The following ATF7 variants were observed in gnomAD, a reference collection of about 807,000 sequenced individuals.
ATF7 encodes the protein cyclic AMP-dependent transcription factor ATF-7.
Under a neutral mutation model 50.4 loss-of-function variants are expected in ATF7, and 10 were observed. That is an observed-to-expected ratio of 0.20 (90% CI 0.12 to 0.34). The LOEUF (loss-of-function observed/expected upper bound fraction) is 0.34. Among genes scored for constraint, ATF7 ranks in the 10% least tolerant of loss-of-function variants. The pLI is 1.00. For missense variants in ATF7, 465 were observed against 613.9 expected (o/e 0.76, Z 2.56); for synonymous variants, 201 against 226.4 (o/e 0.89, Z 1.01).
intron 5 of ATF7, among the ~76,000 whole-genome samples, chr12:53,535,346 G>A (rs866620820): frequency 4.2e-3 from 548 of 129,636 alleles, no homozygotes; most frequent in East Asian, 0.013. Context: ...AAAAAAAAAA[G>A]AAAAGGGAGG....
chr12:53,531,493 C>G (rs1655356068), intron 9 of ATF7, among the ~76,000 whole-genome samples: 1 of 150,850 alleles, frequency 6.6e-6, no homozygotes, highest in South Asian at 2.1e-4. Flanking sequence ...GCATGAAAGT[C>G]TAACACAAGG....
intron 1 of ATF7, among the ~76,000 whole-genome samples, chr12:53,623,134 A>G (rs1397479516): frequency 6.6e-6 from 1 of 152,178 alleles, no homozygotes; most frequent in Non-Finnish European, 1.5e-5. Context: ...GCACAATGTA[A>G]AAAATGTTCT....
rs529814690 is a variant in ATF7 at position 53,545,329 on chromosome 12, T to A, written c.146-1881A>T. On this transcript the variant is annotated intron_variant, in intron 3 of 11. Coordinates refer to ENST00000420353, the MANE Select transcript of ATF7 (RefSeq NM_006856.3). Reference sequence around the variant, plus strand: ...AAAAATCAGTAAGTGTTTGTTTTGTTTTGTTTTGATACAGAGTTTCCCTCT... The same window carrying A: ...AAAAATCAGTAAGTGTTTGTTTTGTATTGTTTTGATACAGAGTTTCCCTCT... 8.2e-4 allele frequency among the ~76,000 whole-genome samples: 125 copies of A among 152,236 alleles called. 1 individual carries two copies. Among genetic ancestry groups the A allele is most frequent in the Middle Eastern group, 6.8e-3 (2 of 294 alleles).
At chr12:53,620,418 T>C (rs1338916301) in intron 1 of ATF7, among the ~76,000 whole-genome samples, 2 of 150,214 alleles carry the variant, frequency 1.3e-5, no homozygotes, top group African/African-American at 4.9e-5. Context: ...CTACTAAAAA[T>C]ACAAAAAATT....
chr12:53,523,227 C>T, intron 11 of ATF7, 49 bp downstream of exon 11: 1 of 1,278,982 alleles, frequency 7.8e-7, no homozygotes, highest in Non-Finnish European at 1.1e-6. Flanking sequence ...ACACTCAGTA[C>T]ATGCAGTTTA....
Position 53,524,820 on chromosome 12 carries a change from CACCTG to C in ATF7, c.928-64_928-60del, listed in dbSNP as rs1409101434. 1 of 1,407,676 alleles carries C rather than the reference CACCTG, an allele frequency of 7.1e-7. No homozygotes were observed. The highest frequency in any genetic ancestry group is 1.4e-5 in the African/African-American group (1 of 69,404). 87.2% of individuals were successfully genotyped at this position (1,407,676 alleles called of 1,614,324 possible). A position where few individuals can be genotyped will look rare whatever the true frequency, so the allele number is the denominator to read the frequency against. ...GGGAACATTAATCCTTTCCAAATCACACCTGATGTTAGGTAGAGTAGTAAGATCTG... is the reference window on the plus strand; with the variant it reads ...GGGAACATTAATCCTTTCCAAATCACATGTTAGGTAGAGTAGTAAGATCTG... On this transcript the variant is annotated intron_variant, in intron 9 of 11. Coordinates refer to ENST00000420353, the MANE Select transcript of ATF7 (RefSeq NM_006856.3). The surrounding 1 kb of genome is among the most constrained non-coding windows in gnomAD (Gnocchi z 4.6).
chr12:53,573,401 C>T (rs1416599075), intron 2 of ATF7, among the ~76,000 whole-genome samples: 2 of 152,150 alleles, frequency 1.3e-5, no homozygotes, highest in African/African-American at 2.4e-5. Flanking sequence ...CTCCTATATA[C>T]TTTAAATCAT....
At chr12:53,536,036 G>A (rs1441428356) in intron 5 of ATF7, among the ~76,000 whole-genome samples, 2 of 151,538 alleles carry the variant, frequency 1.3e-5, no homozygotes, top group Non-Finnish European at 1.5e-5. Context: ...AAAAAAAAAA[G>A]ATGACTTGTT....
intron 1 of ATF7, among the ~76,000 whole-genome samples, chr12:53,610,394 A>T (rs570088444): frequency 6.6e-6 from 1 of 151,718 alleles, no homozygotes; most frequent in South Asian, 2.1e-4. Context: ...GTGAAACCCT[A>T]TCTCTACTAA....
chr12:53,592,360 T>C (rs901434024), intron 2 of ATF7, among the ~76,000 whole-genome samples: 5 of 152,270 alleles, frequency 3.3e-5, no homozygotes, highest in African/African-American at 1.2e-4. Flanking sequence ...ATGCTTTCCT[T>C]CTTGAAATCC....
chr12:53,535,509 A>AGCATGAGGG (rs1939166730), intron 5 of ATF7, among the ~76,000 whole-genome samples: 1 of 152,048 alleles, frequency 6.6e-6, no homozygotes, highest in Non-Finnish European at 1.5e-5. Flanking sequence ...AGAAGGAGGA[A>AGCATGAGGG]GCATGAGGGG....
intron 3 of ATF7, chr12:53,544,007 G>C (rs1045628157): frequency 6.5e-6 from 1 of 152,782 alleles, no homozygotes; most frequent in Non-Finnish European, 1.5e-5. Context: ...CCTTCTGAAG[G>C]ATTCCAGGCA....
At chr12:53,577,729 A>G (rs1942171747) in intron 2 of ATF7, among the ~76,000 whole-genome samples, 1 of 105,758 alleles carries the variant, frequency 9.5e-6, no homozygotes, top group African/African-American at 4.6e-5. Flanking sequence ...AAAAAAAAAA[A>G]AAGAAAGAAA....
chr12:53,569,607 T>C (rs1330806894), intron 2 of ATF7, among the ~76,000 whole-genome samples: 1 of 152,198 alleles, frequency 6.6e-6, no homozygotes, highest in Non-Finnish European at 1.5e-5. Context: ...AATACTTTCA[T>C]GTCTTATACA....
At chr12:53,564,892 T>G (rs1239114065) in intron 2 of ATF7, among the ~76,000 whole-genome samples, 2 of 151,982 alleles carry the variant, frequency 1.3e-5, no homozygotes, top group Non-Finnish European at 2.9e-5. Context: ...GCGATTTTTT[T>G]TTTGTTTAGT....
At chr12:53,589,852 T>C (rs1208229142) in intron 2 of ATF7, among the ~76,000 whole-genome samples, 1 of 152,184 alleles carries the variant, frequency 6.6e-6, no homozygotes, top group African/African-American at 2.4e-5. Context: ...AATGGTTCTT[T>C]CTTTCTAAAT....
At chr12:53,622,298 T>A (rs376383215) in intron 1 of ATF7, among the ~76,000 whole-genome samples, 2 of 75,258 alleles carry the variant, frequency 2.7e-5, no homozygotes, top group African/African-American at 4.0e-5. Flanking sequence ...CAAGACTCCA[T>A]CTCAAAAATA....
chr12:53,556,227 T>G (rs888058719), intron 2 of ATF7, among the ~76,000 whole-genome samples: 18 of 152,218 alleles, frequency 1.2e-4, no homozygotes, highest in African/African-American at 4.3e-4. Flanking sequence ...TTTTATCATA[T>G]ATTTTTGAAA....
chr12:53,600,942 T>G lies in ATF7; in HGVS notation c.48+11A>C, dbSNP rs1943374682. 2 of 1,612,582 alleles carry G rather than the reference T, an allele frequency of 1.2e-6. No homozygotes were observed. Among genetic ancestry groups the G allele is most frequent in the South Asian group, 2.2e-5 (2 of 90,778 alleles). ...ACGAGACATTCACAATAAAGTATAT[T>G]GTAAACGTACCTGTCCACAGCCCGG... On this transcript the variant is annotated intron_variant, in intron 2 of 11. Coordinates refer to ENST00000420353, the MANE Select transcript of ATF7 (RefSeq NM_006856.3).
Sources: allele counts gnomAD v4.1 joint callset (sites outside exome capture counted in the v4.1 genomes callset), GRCh38; gene constraint gnomAD v4.1.1; non-coding constraint Gnocchi (gnomAD v3.1); transcripts MANE v1.5; gene names NCBI Gene and HGNC (gene_info 2026-07-23, HGNC 2026-07-21).